The following DSE variants were observed in gnomAD, a reference collection of about 807,000 sequenced individuals.
DSE encodes dermatan-sulfate epimerase.
A neutral mutation model predicts 84.4 loss-of-function variants in DSE; 36 were observed. The ratio of observed to expected loss-of-function variants is 0.43; its 90% CI spans 0.33 to 0.56. The LOEUF (loss-of-function observed/expected upper bound fraction) is 0.56, where lower values mean the gene tolerates loss of function less well. Ranked by LOEUF, DSE falls within the 20% of genes least tolerant of loss-of-function variation. The pLI is 0.06. For synonymous variants in DSE, 410 were observed against 430.1 expected, an observed-to-expected ratio of 0.95 and a Z score of 0.58; for missense variants, 862 against 1,169.6, an observed-to-expected ratio of 0.74 and a Z score of 3.84.
chr6:116,398,880 A>G (rs937242267), intron 1 of DSE, among the ~76,000 whole-genome samples: 9 of 152,168 alleles, frequency 5.9e-5, no homozygotes, highest in Non-Finnish European at 8.8e-5. Flanking sequence ...AAAATATACC[A>G]TGTGATGTTT....
At chr6:116,266,100 G>A (rs188754872) in intron 2 of DSE, among the ~76,000 whole-genome samples, 1 of 152,158 alleles carries the variant, frequency 6.6e-6, no homozygotes, top group Non-Finnish European at 1.5e-5. Flanking sequence ...CCCCATGCAG[G>A]GTTCCCAGCT....
chr6:116,425,858 G>A (rs1783418067), intron 2 of DSE, among the ~76,000 whole-genome samples: 2 of 152,142 alleles, frequency 1.3e-5, no homozygotes, highest in African/African-American at 4.8e-5. Context: ...TCCTGACCTC[G>A]TGATCCGCCC....
At chr6:116,332,699 A>G (rs1777023361) in intron 2 of DSE, among the ~76,000 whole-genome samples, 1 of 152,186 alleles carries the variant, frequency 6.6e-6, no homozygotes, top group Non-Finnish European at 1.5e-5. Flanking sequence ...AAAGACTGAT[A>G]CTTAGAGTTA....
rs139942074 is a variant in DSE, at chr6:116,436,509, C to A, written c.2041C>A (p.Gln681Lys). 6.2e-7 allele frequency: 1 copy of A among 1,614,174 alleles called. No homozygotes were observed. The highest frequency in any genetic ancestry group is 8.5e-7 in the Non-Finnish European group (1 of 1,180,012). ...GAGCTTCACTGTCCACGGAGACTCT[C>A]AGCAACTGGATGTGTTCATAGCCAC... The part of the protein sequence containing the change: ...VQSFTVHGDS[Q>K]QLDVFIATSK... Residue 681 changes from glutamine (Q) to lysine (K), a missense_variant, in exon 6 of 6, where the codon CAG becomes AAG. Gln to Lys is a moderately conservative substitution (Grantham distance 53, BLOSUM62 1). Around this residue, in one of 4 missense-constraint regions of DSE, gnomAD observed 315 missense variants for 348.1 expected, o/e 0.90. Coordinates refer to ENST00000644252, the MANE Select transcript of DSE (RefSeq NM_013352.4).
chr6:116,398,765 T>C lies in DSE; in HGVS notation c.-53-433T>C, dbSNP rs548724633. On this transcript the variant is annotated intron_variant, in intron 1 of 5. Transcript: ENST00000644252. ...TAAGTTACAGTGAAAGAGGCTGTAG[T>C]AAGAAATACAGGATTTTCTGGTTTT... Among the ~76,000 whole-genome samples, 3 of 152,376 alleles carry C rather than the reference T, an allele frequency of 2.0e-5. No individual in the cohort carries two copies. In the South Asian group the frequency reaches 6.2e-4, roughly 32 times the overall value.
chr6:116,394,656 C>T (rs1781126352), intron 1 of DSE, among the ~76,000 whole-genome samples: 1 of 151,938 alleles, frequency 6.6e-6, no homozygotes, highest in Non-Finnish European at 1.5e-5. Flanking sequence ...CTATGTTGAC[C>T]AGGCTGGTCT....
chr6:116,293,533 A>T (rs1774437909), intron 2 of DSE, among the ~76,000 whole-genome samples: 1 of 152,154 alleles, frequency 6.6e-6, no homozygotes, highest in Non-Finnish European at 1.5e-5. Flanking sequence ...AGAGTGATTT[A>T]AAATAGCTGA....
intron 2 of DSE, among the ~76,000 whole-genome samples, chr6:116,295,530 G>A (rs1471061181): frequency 2.6e-5 from 4 of 152,052 alleles, no homozygotes; most frequent in African/African-American, 7.2e-5. Context: ...AAATGACAAG[G>A]CAGAAACCAC....
chr6:116,347,512 T>C (rs532025716), intron 2 of DSE, among the ~76,000 whole-genome samples: 2 of 152,184 alleles, frequency 1.3e-5, no homozygotes, highest in Admixed American at 1.3e-4. Flanking sequence ...ATCTGATCTT[T>C]GACAAACCTG....
intron 2 of DSE, among the ~76,000 whole-genome samples, chr6:116,357,256 G>C (rs1269838707): frequency 1.3e-5 from 2 of 152,148 alleles, no homozygotes; most frequent in Admixed American, 6.5e-5. Context: ...TTATCAGCCG[G>C]GCACGGTGGC....
At chr6:116,314,219 G>C (rs1343651346) in intron 2 of DSE, among the ~76,000 whole-genome samples, 9 of 152,114 alleles carry the variant, frequency 5.9e-5, no homozygotes, top group Non-Finnish European at 1.5e-5. Context: ...ACTATAAATA[G>C]AGAAAATCAT....
chr6:116,359,724 A>G (rs1284898216), intron 2 of DSE, among the ~76,000 whole-genome samples: 3 of 152,240 alleles, frequency 2.0e-5, no homozygotes, highest in Non-Finnish European at 4.4e-5. Context: ...AAGTGGAAAC[A>G]GATAGGCTTT....
chr6:116,403,502 G>A (rs982769197), intron 2 of DSE, among the ~76,000 whole-genome samples: 3 of 151,740 alleles, frequency 2.0e-5, no homozygotes, highest in Non-Finnish European at 2.9e-5. Flanking sequence ...AGAAGATTAA[G>A]GAAGCATAAA....
At chr6:116,265,974 G>T (rs1252111882) in intron 2 of DSE, among the ~76,000 whole-genome samples, 1 of 152,134 alleles carries the variant, frequency 6.6e-6, no homozygotes, top group Non-Finnish European at 1.5e-5. Flanking sequence ...TGGTCAAGGG[G>T]TTCCCTTCTG....
At chr6:116,341,740 G>A (rs549137082) in intron 2 of DSE, among the ~76,000 whole-genome samples, 2 of 152,252 alleles carry the variant, frequency 1.3e-5, no homozygotes, top group East Asian at 3.9e-4. Flanking sequence ...AACCATTTAT[G>A]AAACAGGGAA....
At chr6:116,375,744 G>A (rs1011267267) in intron 1 of DSE, among the ~76,000 whole-genome samples, 1 of 152,162 alleles carries the variant, frequency 6.6e-6, no homozygotes, top group African/African-American at 2.4e-5. Context: ...TGCCGTAAAG[G>A]AAAATCCCTG....
intron 2 of DSE, among the ~76,000 whole-genome samples, chr6:116,422,037 G>A (rs1583212721): frequency 6.6e-6 from 1 of 152,160 alleles, no homozygotes; most frequent in South Asian, 2.1e-4. Context: ...CTGAAGCCAT[G>A]TTAATGAACT....
Position 116,437,825 on chromosome 6 carries a change from A to G in DSE, c.*480A>G, listed in dbSNP as rs2115101635. ...AAGATAAATGTTGCTAAGTCCTGGT[A>G]TGATGGTGTGAGCTTCCTTGGGGAA... On this transcript the variant is annotated 3_prime_UTR_variant, in exon 6 of 6. Coordinates refer to ENST00000644252, the MANE Select transcript of DSE (RefSeq NM_013352.4). The G allele has an allele frequency of 6.6e-6, 1 of 152,586 alleles. No individual in the cohort carries two copies. The highest frequency in any genetic ancestry group is 1.9e-4 in the East Asian group (1 of 5,192). 9.5% of individuals were successfully genotyped at this position (152,586 alleles called of 1,614,324 possible).
In DSE at chr6:116,436,457, C is replaced by T. The variant is rs1784159922; in HGVS notation, c.1989C>T (p.Leu663=). Residue 663 remains leucine, a synonymous_variant, in exon 6 of 6, where the codon CTC becomes CTT. Transcript: ENST00000644252. ...GTCCCATCACCAGGGCAGCTTACCTCTTCATAGGGCCATCTATAGATGTTC... is the reference window on the plus strand; with the variant it reads ...GTCCCATCACCAGGGCAGCTTACCTTTTCATAGGGCCATCTATAGATGTTC... ...LRSPITRAAY[L]FIGPSIDVQS... The T allele has an allele frequency of 6.2e-7, 1 of 1,614,170 alleles. No homozygotes were observed. The highest frequency in any genetic ancestry group is 8.5e-7 in the Non-Finnish European group (1 of 1,180,016).
Sources: allele counts gnomAD v4.1 joint callset (sites outside exome capture counted in the v4.1 genomes callset), GRCh38; gene constraint gnomAD v4.1.1; regional missense constraint gnomAD v4.1.1; transcripts MANE v1.5; gene names NCBI Gene and HGNC (gene_info 2026-07-23, HGNC 2026-07-21).